The following MAP3K2 variants were observed in gnomAD, a reference collection of about 807,000 sequenced individuals.
The protein encoded by MAP3K2 is mitogen-activated protein kinase kinase kinase 2.
MAP3K2 carries 24 observed loss-of-function variants against 80.3 expected under a neutral mutation model. That is an observed-to-expected ratio of 0.30 (90% CI 0.22 to 0.42). The LOEUF (loss-of-function observed/expected upper bound fraction) is 0.42, where lower values mean the gene tolerates loss of function less well. Among genes scored for constraint, MAP3K2 ranks in the 10% least tolerant of loss-of-function variants. The probability of loss-of-function intolerance (pLI) is 1.00; values close to 1 mark genes in which losing one functional copy is unlikely to be tolerated. For missense variants in MAP3K2, 608 were observed against 750.1 expected (o/e 0.81, Z 2.21); for synonymous variants, 244 against 253.7 (o/e 0.96, Z 0.36).
intron 14 of MAP3K2, 49 bp downstream of exon 14, chr2:127,317,576 TTAAC>T: frequency 2.1e-6 from 3 of 1,414,000 alleles, no homozygotes; most frequent in Non-Finnish European, 2.8e-6. Flanking sequence ...TTTTCTTTTA[TTAAC>T]TAAAATTTTA....
rs1271205501 is a variant in MAP3K2 at position 127,306,595 on chromosome 2, G to A, written c.*984C>T. The A allele has an allele frequency of 6.6e-6, 1 of 152,058 alleles. No individual in the cohort carries two copies. Among genetic ancestry groups the A allele is most frequent in the Non-Finnish European group, 1.5e-5 (1 of 67,998 alleles). 9.4% of individuals were successfully genotyped at this position (152,058 alleles called of 1,614,324 possible). On this transcript the variant is annotated 3_prime_UTR_variant, in exon 17 of 17. Coordinates refer to ENST00000682094, the MANE Select transcript of MAP3K2 (RefSeq NM_001371910.2). This position sits in a 1 kb window ranked among gnomAD's most constrained non-coding sequence, Gnocchi z 4.7. Reference sequence around the variant, plus strand: ...CGCTCCTAAGGGATGTTACCTATGGGGAATCAGGAGCTGGAAATAGAAGAT... The same window carrying A: ...CGCTCCTAAGGGATGTTACCTATGGAGAATCAGGAGCTGGAAATAGAAGAT...
Position 127,307,569 on chromosome 2 carries a change from TTAC to T in MAP3K2, c.*7_*9del. On this transcript the variant is annotated 3_prime_UTR_variant, in exon 17 of 17. Transcript: ENST00000682094. This position sits in a 1 kb window ranked among gnomAD's most constrained non-coding sequence, Gnocchi z 5.4. Reference sequence around the variant, plus strand: ...GAGCTAGGTAGAGGCACAGGAGAGGTTACTGGCTGCTAGTGATAATGCACAAAC... The same window carrying T: ...GAGCTAGGTAGAGGCACAGGAGAGGTTGGCTGCTAGTGATAATGCACAAAC... 1 of 1,547,708 alleles carries T rather than the reference TTAC, an allele frequency of 6.5e-7. No individual in the cohort carries two copies. The highest frequency in any genetic ancestry group is 8.8e-7 in the Non-Finnish European group (1 of 1,142,552).
intron 1 of MAP3K2, among the ~76,000 whole-genome samples, chr2:127,384,227 T>TATATATATATATATAC: frequency 6.6e-6 from 1 of 150,448 alleles, no homozygotes; most frequent in African/African-American, 2.4e-5. Context: ...TATATATATA[T>TATATATATATATATAC]ATATATATTG....
intron 1 of MAP3K2, among the ~76,000 whole-genome samples, chr2:127,365,676 A>G (rs1686960665): frequency 6.6e-6 from 1 of 152,126 alleles, no homozygotes; most frequent in Non-Finnish European, 1.5e-5. Flanking sequence ...CTCTCCACAG[A>G]CTTTTCACCA....
At chr2:127,351,645 T>C (rs1026339260) in intron 1 of MAP3K2, among the ~76,000 whole-genome samples, 1 of 152,124 alleles carries the variant, frequency 6.6e-6, no homozygotes, top group African/African-American at 2.4e-5. Context: ...CTCTCTTGCA[T>C]GGATTACTGA....
chr2:127,324,584 TATTCA>T lies in MAP3K2; in HGVS notation c.678-348_678-344del, dbSNP rs199533496. Among the ~76,000 whole-genome samples, 271 of 152,328 alleles carry T rather than the reference TATTCA, an allele frequency of 1.8e-3. 1 individual carries two copies. The highest frequency in any genetic ancestry group is 6.3e-3 in the African/African-American group (263 of 41,578). Reference sequence around the variant, plus strand: ...ATCAACAAAAAAGATAATTTCCAACTATTCAAGTGTACATAAGTAAGGTATCCAGG... The same window carrying T: ...ATCAACAAAAAAGATAATTTCCAACTAGTGTACATAAGTAAGGTATCCAGG... On this transcript the variant is annotated intron_variant, in intron 9 of 16. Coordinates refer to ENST00000682094, the MANE Select transcript of MAP3K2 (RefSeq NM_001371910.2).
intron 13 of MAP3K2, 94 bp downstream of exon 13, chr2:127,318,075 T>A: frequency 2.1e-6 from 2 of 956,744 alleles, no homozygotes; most frequent in Non-Finnish European, 2.9e-6. Context: ...AAAAAAATGC[T>A]TCTTATTTAG....
upstream of MAP3K2, chr2:127,388,434 T>G (rs1323593629): frequency 1.0e-6 from 1 of 984,776 alleles, no homozygotes; most frequent in East Asian, 1.1e-4. Context: ...TGGCTCAAGT[T>G]TCAGAATTTT....
At chr2:127,381,968 A>G (rs998549300) in intron 1 of MAP3K2, among the ~76,000 whole-genome samples, 3 of 152,172 alleles carry the variant, frequency 2.0e-5, no homozygotes, top group Non-Finnish European at 2.9e-5. Flanking sequence ...GTCACTTTAT[A>G]AGACAACTGT....
At position 127,303,156 on chromosome 2, in the gene MAP3K2, A is replaced by G. The variant is rs2104796992; in HGVS notation, c.*4423T>C. 6.6e-6 allele frequency: 1 copy of G among 152,236 alleles called. No individual in the cohort carries two copies. Among genetic ancestry groups the G allele is most frequent in the South Asian group, 2.1e-4 (1 of 4,820 alleles). 9.4% of individuals were successfully genotyped at this position (152,236 alleles called of 1,614,324 possible). A position where few individuals can be genotyped will look rare whatever the true frequency, so the allele number is the denominator to read the frequency against. On this transcript the variant is annotated 3_prime_UTR_variant, in exon 17 of 17. Transcript: ENST00000682094. Reference sequence around the variant, plus strand: ...AAATTCAAATAAATATGAACATTACATTTGTAAAACAAAGGCCAAACTTAG... The same window carrying G: ...AAATTCAAATAAATATGAACATTACGTTTGTAAAACAAAGGCCAAACTTAG...
intron 1 of MAP3K2, among the ~76,000 whole-genome samples, chr2:127,343,983 C>T (rs1686548341): frequency 6.6e-6 from 1 of 151,636 alleles, no homozygotes; most frequent in African/African-American, 2.4e-5. Flanking sequence ...GCACTCCAGT[C>T]TGGGCGACAC....
intron 1 of MAP3K2, among the ~76,000 whole-genome samples, chr2:127,365,023 G>T (rs573807918): frequency 1.4e-4 from 19 of 140,502 alleles, no homozygotes; most frequent in Admixed American, 1.3e-3. Context: ...TGCTACTTGG[G>T]AGGCTGAGGT....
chr2:127,372,526 G>A lies in MAP3K2; in HGVS notation c.-66+14926C>T, dbSNP rs114813248. Among the ~76,000 whole-genome samples, 354 of 152,208 alleles carry A rather than the reference G, an allele frequency of 2.3e-3. 1 individual carries two copies. Among genetic ancestry groups the A allele is most frequent in the African/African-American group, 7.7e-3 (321 of 41,520 alleles). ...AGAAACAAAAAATTGTTGGCATTGGGGAAGCGCACACAGCCAAGCAGAGCA... is the reference window on the plus strand; with the variant it reads ...AGAAACAAAAAATTGTTGGCATTGGAGAAGCGCACACAGCCAAGCAGAGCA... On this transcript the variant is annotated intron_variant, in intron 1 of 16. Transcript: ENST00000682094.
intron 1 of MAP3K2, among the ~76,000 whole-genome samples, chr2:127,350,135 G>C (rs529871324): frequency 1.3e-5 from 2 of 152,100 alleles, no homozygotes; most frequent in African/African-American, 2.4e-5. Flanking sequence ...TTTAGAGGAG[G>C]TAATTGCAAA....
At chr2:127,336,801 G>C (rs768741701) in intron 4 of MAP3K2, among the ~76,000 whole-genome samples, 3 of 152,138 alleles carry the variant, frequency 2.0e-5, no homozygotes, top group Non-Finnish European at 4.4e-5. Flanking sequence ...AAAACTGTTA[G>C]GCTTTTCACT....
chr2:127,316,115 G>C (rs1272530627), intron 14 of MAP3K2, among the ~76,000 whole-genome samples: 2 of 151,486 alleles, frequency 1.3e-5, no homozygotes, highest in Non-Finnish European at 2.9e-5. Context: ...GCTCATGCCT[G>C]CAATCCCACG....
chr2:127,387,259 G>C (rs576067189), intron 1 of MAP3K2, among the ~76,000 whole-genome samples, 193 bp downstream of exon 1: 2 of 152,078 alleles, frequency 1.3e-5, no homozygotes, highest in Non-Finnish European at 2.9e-5. Flanking sequence ...TGGGCTTTAG[G>C]ACTGGATGCA....
At chr2:127,338,869 C>A in intron 3 of MAP3K2, 63 bp downstream of exon 3, 1 of 1,095,278 alleles carries the variant, frequency 9.1e-7, no homozygotes, top group Non-Finnish European at 1.3e-6. Flanking sequence ...TAAACAAGTC[C>A]TCCATAAGAT....
At position 127,308,571 on chromosome 2, in the gene MAP3K2, G is replaced by A. The variant is rs767052007; in HGVS notation, c.1634+14C>T. On this transcript the variant is annotated intron_variant, in intron 16 of 16. Transcript: ENST00000682094. ...GGCAGGTGGTTTTCAAGCAAACTTC[G>A]TATCAAAACCTACCAGATGTCTGCT... 6.5e-6 allele frequency: 10 copies of A among 1,533,284 alleles called. No homozygotes were observed. The highest frequency in any genetic ancestry group is 3.8e-5 in the Admixed American group (2 of 52,900). The allele number at this position is 1,533,284 out of a possible 1,614,324, so 95.0% of individuals were successfully genotyped here.
Sources: gnomAD v4.1 joint callset for allele counts (sites outside exome capture counted in the v4.1 genomes callset) on GRCh38, gnomAD v4.1.1 for gene constraint, Gnocchi (gnomAD v3.1) non-coding constraint, MANE v1.5 for transcripts, NCBI Gene and HGNC (gene_info 2026-07-23, HGNC 2026-07-21) for gene names.